Variants in NIN observed in about 807,000 individuals in gnomAD.
NIN encodes the protein glycogen synthase kinase 3 beta-interacting protein.
A neutral mutation model predicts 257.6 loss-of-function variants in NIN; 137 were observed. That is an observed-to-expected ratio of 0.53 (90% CI 0.46 to 0.61). NIN has a LOEUF of 0.61. NIN is among the 20% of genes least tolerant of loss of function. The probability of loss-of-function intolerance (pLI) is 0.00; values close to 1 mark genes in which losing one functional copy is unlikely to be tolerated. For missense variants in NIN, 2,439 were observed against 2,501.2 expected, an observed-to-expected ratio of 0.98 and a Z score of 0.53; for synonymous variants, 918 against 919.8, an observed-to-expected ratio of 1.00 and a Z score of 0.04.
At chr14:50,772,536 C>G in intron 8 of NIN, 68 bp from the exon 9 acceptor site, 13 of 1,402,740 alleles carry the variant, frequency 9.3e-6, no homozygotes, top group Non-Finnish European at 1.3e-5. Flanking sequence ...TATTGGTCAG[C>G]CCTGACCACG....
At chr14:50,729,767 TC>T in intron 28 of NIN, 44 bp from the exon 29 acceptor site, 1 of 1,454,610 alleles carries the variant, frequency 6.9e-7, no homozygotes, top group Non-Finnish European at 9.3e-7. Flanking sequence ...GTCCCTTCAA[TC>T]CCAGAGCTGC....
At position 50,758,508 on chromosome 14, in the gene NIN, C is replaced by G; in HGVS notation, c.2522G>C (p.Arg841Pro). Residue 841 changes from arginine to proline, a missense_variant, in exon 18 of 31, where the codon CGC becomes CCC. Around this residue, in one of 3 missense-constraint regions of NIN, gnomAD observed 2,043 missense variants for 2,050.2 expected, o/e 1.00. Coordinates refer to ENST00000530997, the MANE Select transcript of NIN (RefSeq NM_020921.4). Reference protein sequence around the residue: ...SALQSLEGRYRQELKDLQEQQ... With the variant: ...SALQSLEGRYPQELKDLQEQQ... Reference sequence around the variant, plus strand: ...TTCCTGGAGGTCCTTCAGCTCTTGGCGGTAGCGCCCCTCCAGGCTTTGCAG... The same window carrying G: ...TTCCTGGAGGTCCTTCAGCTCTTGGGGGTAGCGCCCCTCCAGGCTTTGCAG... 1 of 1,614,206 alleles carries G rather than the reference C, an allele frequency of 6.2e-7. No homozygotes were observed. Among genetic ancestry groups the G allele is most frequent in the Non-Finnish European group, 8.5e-7 (1 of 1,180,034 alleles).
chr14:50,792,483 C>T (rs779174001), intron 5 of NIN: 5 of 548,174 alleles, frequency 9.1e-6, no homozygotes, highest in African/African-American at 3.8e-5. Flanking sequence ...GTGTACATGA[C>T]GCATGCACAG....
chr14:50,789,798 C>G (rs377130052), intron 5 of NIN, among the ~76,000 whole-genome samples: 3 of 152,262 alleles, frequency 2.0e-5, no homozygotes, highest in South Asian at 4.2e-4. Flanking sequence ...CTTGTGCTGC[C>G]CATTGCATGA....
Position 50,757,048 on chromosome 14 carries a change from G to A in NIN, c.3982C>T (p.Leu1328Phe), listed in dbSNP as rs2042057973. 3 of 1,613,702 alleles carry A rather than the reference G, an allele frequency of 1.9e-6. No individual in the cohort carries two copies. The highest frequency in any genetic ancestry group is 1.3e-5 in the African/African-American group (1 of 74,984). Residue 1328 changes from leucine (L) to phenylalanine (F), a missense_variant, in exon 18 of 31, where the codon CTT (leucine) becomes TTT (phenylalanine). Transcript: ENST00000530997. ...NEGLNVLVLR[L>F]QGKIEKLQES... ...TGAAGCTTCTCAATCTTGCCTTGAAGTCTCAAAACCAGAACATTCAGCCCC... is the reference window on the plus strand; with the variant it reads ...TGAAGCTTCTCAATCTTGCCTTGAAATCTCAAAACCAGAACATTCAGCCCC...
At chr14:50,769,218 G>A (rs922163058) in intron 12 of NIN, among the ~76,000 whole-genome samples, 1 of 152,122 alleles carries the variant, frequency 6.6e-6, no homozygotes, top group African/African-American at 2.4e-5. Context: ...TTATTATGGT[G>A]CCCATTTTTA....
chr14:50,804,924 C>T (rs1293266834), intron 4 of NIN, among the ~76,000 whole-genome samples: 1 of 152,204 alleles, frequency 6.6e-6, no homozygotes, highest in African/African-American at 2.4e-5. Flanking sequence ...GTTGGACAAG[C>T]GTGGTCTAGC....
intron 2 of NIN, among the ~76,000 whole-genome samples, chr14:50,825,559 A>C (rs1290709839): frequency 6.6e-6 from 1 of 152,224 alleles, no homozygotes; most frequent in Admixed American, 6.5e-5. Flanking sequence ...CAAGATGTAG[A>C]AATTGGGGCT....
At chr14:50,743,222 G>A (rs1443652408) in intron 24 of NIN, among the ~76,000 whole-genome samples, 194 bp downstream of exon 24, 1 of 151,570 alleles carries the variant, frequency 6.6e-6, no homozygotes, top group Admixed American at 6.6e-5. Context: ...TGCTCACCTC[G>A]GCCTCCCAAA....
Position 50,777,147 on chromosome 14 carries a change from A to C in NIN, c.476-8T>G. ...TCCAAAACCTTAACTGGCCTGAGAGAGAAGCATATGTTGCACGGTTTCCAA... is the reference window on the plus strand; with the variant it reads ...TCCAAAACCTTAACTGGCCTGAGAGCGAAGCATATGTTGCACGGTTTCCAA... On this transcript the variant is annotated splice_region_variant and splice_polypyrimidine_tract_variant and intron_variant, in intron 6 of 30. Transcript: ENST00000530997. 2 of 1,598,914 alleles carry C rather than the reference A, an allele frequency of 1.3e-6. No individual in the cohort carries two copies. Among genetic ancestry groups the C allele is most frequent in the Non-Finnish European group, 1.7e-6 (2 of 1,172,840 alleles).
At chr14:50,760,877 C>T (rs1162120944) in intron 16 of NIN, among the ~76,000 whole-genome samples, 2 of 152,038 alleles carry the variant, frequency 1.3e-5, no homozygotes, top group Non-Finnish European at 2.9e-5. Context: ...CCATGTTGCC[C>T]AGACTGGTCT....
At chr14:50,764,228 T>A (rs376702717) in intron 14 of NIN, among the ~76,000 whole-genome samples, 4 of 152,202 alleles carry the variant, frequency 2.6e-5, no homozygotes, top group African/African-American at 9.6e-5. Context: ...AATGATGATA[T>A]ACAGATGACT....
At chr14:50,799,316 G>A (rs1433270825) in intron 4 of NIN, among the ~76,000 whole-genome samples, 1 of 152,182 alleles carries the variant, frequency 6.6e-6, no homozygotes, top group African/African-American at 2.4e-5. Context: ...TGCCCAGGGA[G>A]CTCCAGCCAC....
intron 12 of NIN, 43 bp downstream of exon 12, chr14:50,770,345 T>G (rs1052824010): frequency 6.3e-7 from 1 of 1,585,262 alleles, no homozygotes; most frequent in Non-Finnish European, 8.6e-7. Flanking sequence ...CCACGTGGTG[T>G]TCCCGGCAGG....
chr14:50,731,358 C>T (rs1057019813), intron 28 of NIN, among the ~76,000 whole-genome samples: 67 of 151,738 alleles, frequency 4.4e-4, no homozygotes, highest in African/African-American at 1.4e-3. Flanking sequence ...GGTGAAACCC[C>T]GTCTCTACTA....
chr14:50,814,673 GTTC>G (rs2044797328), intron 3 of NIN, among the ~76,000 whole-genome samples: 1 of 152,174 alleles, frequency 6.6e-6, no homozygotes, highest in South Asian at 2.1e-4. Context: ...AAACAGCATG[GTTC>G]TGATAGAAAA....
intron 3 of NIN, among the ~76,000 whole-genome samples, chr14:50,814,622 C>T (rs145251093): frequency 0.013 from 2,022 of 152,298 alleles, 18 homozygotes; most frequent in Non-Finnish European, 0.022. Context: ...GAAGGCATCA[C>T]GCTACCCACT....
At chr14:50,791,954 G>A (rs1008185097) in intron 5 of NIN, 2 of 152,114 alleles carry the variant, frequency 1.3e-5, no homozygotes, top group African/African-American at 4.8e-5. Context: ...GGATTTGCAA[G>A]AAATATTTAC....
intron 3 of NIN, 21 bp from the exon 4 acceptor site, chr14:50,806,839 A>C (rs779199034): frequency 1.7e-6 from 2 of 1,188,210 alleles, no homozygotes; most frequent in South Asian, 2.6e-5. Context: ...TTAAAAATAG[A>C]TTTAAAGTAA....
Sources: gnomAD v4.1 joint callset for allele counts (sites outside exome capture counted in the v4.1 genomes callset) on GRCh38, gnomAD v4.1.1 for gene constraint, gnomAD v4.1.1 regional missense constraint, MANE v1.5 for transcripts, NCBI Gene and HGNC (gene_info 2026-07-23, HGNC 2026-07-21) for gene names.